PTPRM: variants seen among roughly 807,000 people sequenced by gnomAD.
PTPRM encodes the protein protein tyrosine phosphatase receptor type M.
In PTPRM, 47 loss-of-function variants were observed where a neutral mutation model predicts 186.7. The ratio of observed to expected loss-of-function variants is 0.25; its 90% CI spans 0.20 to 0.32. The LOEUF (loss-of-function observed/expected upper bound fraction) is 0.32, where lower values mean the gene tolerates loss of function less well. Ranked by LOEUF, PTPRM falls within the 10% of genes least tolerant of loss-of-function variation. The pLI, the probability that PTPRM is intolerant of heterozygous loss-of-function variation, is 1.00. For missense variants in PTPRM, 1,494 were observed against 1,865.0 expected (o/e 0.80, Z 3.66); for synonymous variants, 668 against 674.9 (o/e 0.99, Z 0.16).
intron 2 of PTPRM, among the ~76,000 whole-genome samples, chr18:7,851,931 T>C (rs1211388357): frequency 2.0e-5 from 3 of 152,162 alleles, no homozygotes; most frequent in African/African-American, 4.8e-5. Context: ...TTTCTTGAGA[T>C]TTTCAGGATA....
chr18:7,706,200 C>T (rs536698449), intron 1 of PTPRM, among the ~76,000 whole-genome samples: 31 of 151,716 alleles, frequency 2.0e-4, no homozygotes, highest in African/African-American at 2.7e-4. Context: ...ATTTGTTACA[C>T]GCATGAGAGT....
At chr18:7,684,422 A>G (rs1033795521) in intron 1 of PTPRM, among the ~76,000 whole-genome samples, 1 of 152,200 alleles carries the variant, frequency 6.6e-6, no homozygotes, top group Non-Finnish European at 1.5e-5. Flanking sequence ...ATTGTTGATT[A>G]TGGTACAATA....
chr18:7,980,094 GC>G (rs34960132), intron 7 of PTPRM, among the ~76,000 whole-genome samples: 15,419 of 152,094 alleles, frequency 0.1, 1,100 homozygotes, highest in Non-Finnish European at 0.16. Flanking sequence ...TGTCTTCGCA[GC>G]CCCACAAAAT....
At chr18:8,052,638 CTG>C (rs1182014422) in intron 7 of PTPRM, among the ~76,000 whole-genome samples, 2 of 152,144 alleles carry the variant, frequency 1.3e-5, no homozygotes. Flanking sequence ...AGATGCATGA[CTG>C]TATTTTTGAA....
chr18:8,101,343 A>G (rs997078852), intron 11 of PTPRM, among the ~76,000 whole-genome samples: 1 of 152,224 alleles, frequency 6.6e-6, no homozygotes, highest in Admixed American at 6.5e-5. Flanking sequence ...TCAGTACAGG[A>G]AGCCTTTTCT....
At chr18:8,006,024 A>AAAG (rs5822988) in intron 7 of PTPRM, among the ~76,000 whole-genome samples, 98,767 of 151,718 alleles carry the variant, frequency 0.65, 32,474 homozygotes, top group African/African-American at 0.74. Flanking sequence ...GCAAGAGGTG[A>AAAG]AAGGATTCAT....
At chr18:8,027,832 A>G (rs1285387856) in intron 7 of PTPRM, among the ~76,000 whole-genome samples, 1 of 152,150 alleles carries the variant, frequency 6.6e-6, no homozygotes, top group African/African-American at 2.4e-5. Context: ...AAAGAAGTAG[A>G]ATTTATCACT....
At chr18:8,013,025 C>G (rs1231167305) in intron 7 of PTPRM, among the ~76,000 whole-genome samples, 1 of 151,834 alleles carries the variant, frequency 6.6e-6, no homozygotes, top group Admixed American at 6.6e-5. Flanking sequence ...CTGCAGGGCT[C>G]CTGTCAAGAA....
chr18:7,832,818 GT>G (rs950673343), intron 2 of PTPRM, among the ~76,000 whole-genome samples: 6 of 152,164 alleles, frequency 3.9e-5, no homozygotes, highest in African/African-American at 1.4e-4. Flanking sequence ...TAGGGGTCTA[GT>G]TACATTCTTC....
chr18:7,713,175 G>T (rs180716915), intron 1 of PTPRM, among the ~76,000 whole-genome samples: 1 of 152,268 alleles, frequency 6.6e-6, no homozygotes, highest in East Asian at 1.9e-4. Flanking sequence ...GGATCTCTCT[G>T]CAGAAACCCT....
Position 8,098,764 on chromosome 18 carries a change from C to T in PTPRM, c.1856+9913C>T, listed in dbSNP as rs917326645. 5.9e-5 allele frequency among the ~76,000 whole-genome samples: 9 copies of T among 151,896 alleles called. No individual in the cohort carries two copies. In the Middle Eastern group the frequency reaches 0.01, roughly 173 times the overall value. On this transcript the variant is annotated intron_variant, in intron 11 of 32. Transcript: ENST00000580170. The stretch of plus-strand genomic sequence containing the variant: ...ACCTCTTGAGGACAGTGATGACACC[C>T]CCTCCCCTCCTTTTCGCTTTACCTT...
chr18:7,829,770 T>C (rs2045667269), intron 2 of PTPRM, among the ~76,000 whole-genome samples: 1 of 152,194 alleles, frequency 6.6e-6, no homozygotes, highest in African/African-American at 2.4e-5. Flanking sequence ...TTGCTCTTTC[T>C]TAGAAAAGGA....
At chr18:8,077,211 A>C (rs1449338415) in intron 9 of PTPRM, among the ~76,000 whole-genome samples, 1 of 152,186 alleles carries the variant, frequency 6.6e-6, no homozygotes, top group Admixed American at 6.5e-5. Flanking sequence ...CATAGAAACA[A>C]GCAGGTGTGT....
At chr18:7,735,413 A>G (rs1051334168) in intron 1 of PTPRM, among the ~76,000 whole-genome samples, 1 of 151,996 alleles carries the variant, frequency 6.6e-6, no homozygotes, top group South Asian at 2.1e-4. Flanking sequence ...ACAGAGGGAG[A>G]CTCTGTCTCA....
chr18:8,192,234 T>G (rs1002544488), intron 14 of PTPRM, among the ~76,000 whole-genome samples: 14 of 152,186 alleles, frequency 9.2e-5, no homozygotes, highest in African/African-American at 3.4e-4. Flanking sequence ...TTCGCACACA[T>G]ATTCTAGGCT....
At chr18:7,834,992 C>CTTTTTTTTT (rs57839485) in intron 2 of PTPRM, among the ~76,000 whole-genome samples, 12 of 85,248 alleles carry the variant, frequency 1.4e-4, no homozygotes, top group African/African-American at 3.1e-4. Context: ...TTATTTGGAT[C>CTTTTTTTTT]TTTTTTTTTT....
chr18:7,953,392 GT>G (rs1280980525), intron 6 of PTPRM, among the ~76,000 whole-genome samples: 5 of 152,266 alleles, frequency 3.3e-5, no homozygotes, highest in African/African-American at 9.6e-5. Context: ...CCCATTTCAT[GT>G]CTCGGTTCAA....
chr18:8,074,894 A>G (rs528695750), intron 8 of PTPRM, among the ~76,000 whole-genome samples: 1 of 152,258 alleles, frequency 6.6e-6, no homozygotes, highest in Admixed American at 6.5e-5. Flanking sequence ...TTTCATTGTG[A>G]TAATGTACAT....
chr18:8,311,933 C>A (rs954767531), intron 20 of PTPRM, among the ~76,000 whole-genome samples: 7 of 152,172 alleles, frequency 4.6e-5, no homozygotes, highest in African/African-American at 1.4e-4. Context: ...TCCTGAGGAG[C>A]TCAGAGAATT....
Sources: gnomAD v4.1 joint callset for allele counts (sites outside exome capture counted in the v4.1 genomes callset) on GRCh38, gnomAD v4.1.1 for gene constraint, MANE v1.5 for transcripts, NCBI Gene and HGNC (gene_info 2026-07-23, HGNC 2026-07-21) for gene names.